The following NXNL2 variants were observed in gnomAD, a reference collection of about 807,000 sequenced individuals.
NXNL2 encodes nucleoredoxin-like protein 2.
In NXNL2, 7 loss-of-function variants were observed where a neutral mutation model predicts 11.1. The observed-to-expected ratio is 0.63, with a 90% CI of 0.36 to 1.18. NXNL2 has a LOEUF of 1.18. Among genes scored for constraint, NXNL2 ranks in the 50% most tolerant of loss-of-function variants. The pLI is 0.02. For synonymous variants in NXNL2, 109 were observed against 101.8 expected (o/e 1.07, Z -0.42); for missense variants, 233 against 217.7 (o/e 1.07, Z -0.44).
chr9:88,576,920 C>T (rs1830354541), downstream of NXNL2, among the ~76,000 whole-genome samples: 1 of 152,144 alleles, frequency 6.6e-6, no homozygotes, highest in Non-Finnish European at 1.5e-5. Context: ...GTGTTCCCTG[C>T]AGCCTTATCC....
At chr9:88,571,021 G>C in intron 1 of NXNL2, 1 of 384,990 alleles carries the variant, frequency 2.6e-6, no homozygotes, top group Non-Finnish European at 5.0e-6. Flanking sequence ...GGGATTACAG[G>C]TGTGAGCCAC....
chr9:88,568,898 C>A (rs1274059532), intron 1 of NXNL2, among the ~76,000 whole-genome samples: 1 of 151,996 alleles, frequency 6.6e-6, no homozygotes, highest in East Asian at 1.9e-4. Flanking sequence ...TCTGAGATAT[C>A]TTTTATTCAA....
chr9:88,543,154 G>A (rs944891705), intron 1 of NXNL2, among the ~76,000 whole-genome samples: 1 of 152,182 alleles, frequency 6.6e-6, no homozygotes, highest in African/African-American at 2.4e-5. Context: ...TGTAAATGAT[G>A]TAAAATGAGG....
downstream of NXNL2, among the ~76,000 whole-genome samples, chr9:88,577,798 G>A (rs1041448401): frequency 4.6e-5 from 7 of 152,118 alleles, no homozygotes; most frequent in African/African-American, 1.2e-4. Flanking sequence ...AAGCCATATC[G>A]GGATTTAGGG....
intron 1 of NXNL2, among the ~76,000 whole-genome samples, chr9:88,556,598 TCTCA>T: frequency 6.6e-6 from 1 of 152,224 alleles, no homozygotes; most frequent in East Asian, 1.9e-4. Context: ...TCAAGGAAGT[TCTCA>T]CTCAGGTCAT....
At chr9:88,536,742 TC>T (rs1441918620) in intron 1 of NXNL2, among the ~76,000 whole-genome samples, 1 of 152,132 alleles carries the variant, frequency 6.6e-6, no homozygotes, top group Non-Finnish European at 1.5e-5. Context: ...ATCTAATTAT[TC>T]CCCCAAACAT....
At chr9:88,542,773 C>G (rs1178992132) in intron 1 of NXNL2, among the ~76,000 whole-genome samples, 1 of 152,112 alleles carries the variant, frequency 6.6e-6, no homozygotes, top group African/African-American at 2.4e-5. Context: ...GCGTAGGGGA[C>G]CCTGTATTTT....
chr9:88,581,636 A>G (rs1016324805), intron 1 of NXNL2, among the ~76,000 whole-genome samples: 2 of 152,090 alleles, frequency 1.3e-5, no homozygotes, highest in African/African-American at 4.8e-5. Context: ...TTGTATTTTT[A>G]GTGGAGACGG....
chr9:88,561,437 C>T (rs544604739), intron 1 of NXNL2, among the ~76,000 whole-genome samples: 169 of 151,136 alleles, frequency 1.1e-3, no homozygotes, highest in African/African-American at 3.9e-3. Context: ...ATCAATCTAT[C>T]GATCAATCTA....
chr9:88,567,251 G>C (rs1830189315), intron 1 of NXNL2, among the ~76,000 whole-genome samples: 3 of 151,906 alleles, frequency 2.0e-5, no homozygotes, highest in Admixed American at 2.0e-4. Context: ...CCATTCTCCG[G>C]CCTCAACCTC....
downstream of NXNL2, among the ~76,000 whole-genome samples, chr9:88,548,405 T>C (rs919907872): frequency 7.6e-6 from 1 of 131,844 alleles, no homozygotes; most frequent in African/African-American, 2.8e-5. Flanking sequence ...AGCTCATGCC[T>C]GTAATCCTAG....
At chr9:88,568,370 T>A (rs1830208907) in intron 1 of NXNL2, among the ~76,000 whole-genome samples, 1 of 152,176 alleles carries the variant, frequency 6.6e-6, no homozygotes, top group Non-Finnish European at 1.5e-5. Context: ...ATGGCTGTAC[T>A]TGAGTAGAGA....
In NXNL2 at chr9:88,564,285, T is replaced by TCTATTATCTATC. The variant is rs1554706562; in HGVS notation, c.303-6802_303-6801insCTATTATCTATC. 4.5e-3 allele frequency among the ~76,000 whole-genome samples: 629 copies of TCTATTATCTATC among 140,208 alleles called. 2 individuals are homozygous for TCTATTATCTATC. Among genetic ancestry groups the TCTATTATCTATC allele is most frequent in the East Asian group, 0.027 (114 of 4,276 alleles). 92.0% of individuals were successfully genotyped at this position (140,208 alleles called of 152,430 possible). On this transcript the variant is annotated intron_variant, in intron 1 of 2. Transcript: ENST00000375855. ...ATCTATCTGTCTATCTATCTATCTA[T>TCTATTATCTATC]TATCTATCTATCTATCTATCTATCT... is the stretch of plus-strand genomic sequence containing the variant.
At chr9:88,557,277 C>A (rs1048376965) in intron 1 of NXNL2, among the ~76,000 whole-genome samples, 7 of 152,012 alleles carry the variant, frequency 4.6e-5, no homozygotes, top group African/African-American at 1.7e-4. Flanking sequence ...AGATTCTGAA[C>A]CTTTTGATTA....
downstream of NXNL2, among the ~76,000 whole-genome samples, chr9:88,579,728 G>A (rs1243590962): frequency 6.6e-6 from 1 of 152,152 alleles, no homozygotes; most frequent in Non-Finnish European, 1.5e-5. Flanking sequence ...ACTCCGCAAT[G>A]AAAACCCGGG....
intron 1 of NXNL2, among the ~76,000 whole-genome samples, chr9:88,568,044 A>C (rs1260520148): frequency 6.6e-6 from 1 of 152,138 alleles, no homozygotes; most frequent in African/African-American, 2.4e-5. Context: ...CTGTGTGACC[A>C]CAGATGGTTA....
chr9:88,572,138 G>T (rs930484663), intron 2 of NXNL2, among the ~76,000 whole-genome samples: 1 of 151,968 alleles, frequency 6.6e-6, no homozygotes, highest in African/African-American at 2.4e-5. Flanking sequence ...CTAAATAGCT[G>T]ACCCCAAGTT....
chr9:88,563,926 C>T (rs969660045), intron 1 of NXNL2, among the ~76,000 whole-genome samples: 3 of 152,034 alleles, frequency 2.0e-5, no homozygotes, highest in Non-Finnish European at 4.4e-5. Flanking sequence ...AAGCCCTTCT[C>T]TGGGCCGGGC....
At chr9:88,546,352 G>A (rs140571106), downstream of NXNL2, among the ~76,000 whole-genome samples, 366 of 151,682 alleles carry the variant, frequency 2.4e-3, 2 homozygotes, top group African/African-American at 7.9e-3. Context: ...ATGGGCCTTC[G>A]TCACCTAGGG....
Sources: gnomAD v4.1 joint callset for allele counts (sites outside exome capture counted in the v4.1 genomes callset) on GRCh38, gnomAD v4.1.1 for gene constraint, MANE v1.5 for transcripts, NCBI Gene and HGNC (gene_info 2026-07-23, HGNC 2026-07-21) for gene names.